The following TRIO variants were observed in gnomAD, a reference collection of about 807,000 sequenced individuals.
TRIO encodes trio Rho guanine nucleotide exchange factor, also known as triple functional domain protein.
TRIO carries 58 observed loss-of-function variants against 351.9 expected under a neutral mutation model. The ratio of observed to expected loss-of-function variants is 0.16; its 90% CI spans 0.13 to 0.21. The LOEUF (loss-of-function observed/expected upper bound fraction) is 0.21. Among genes scored for constraint, TRIO ranks in the 10% least tolerant of loss-of-function variants. The probability of loss-of-function intolerance (pLI) is 1.00; values close to 1 mark genes in which losing one functional copy is unlikely to be tolerated. For missense variants in TRIO, 3,201 were observed against 4,027.8 expected, an observed-to-expected ratio of 0.79 and a Z score of 5.56; for synonymous variants, 1,758 against 1,595.7, an observed-to-expected ratio of 1.10 and a Z score of -2.42.
chr5:14,485,899 A>G (rs563851966), intron 47 of TRIO, among the ~76,000 whole-genome samples: 8 of 152,204 alleles, frequency 5.3e-5, no homozygotes, highest in Middle Eastern at 3.4e-3. Context: ...GAGGCAGGAG[A>G]ATCACTTGAA....
intron 1 of TRIO, among the ~76,000 whole-genome samples, chr5:14,258,880 A>G (rs965624512): frequency 1.3e-5 from 2 of 152,198 alleles, no homozygotes; most frequent in African/African-American, 4.8e-5. Flanking sequence ...TGTCATTTCA[A>G]GACAGTGGAA....
chr5:14,454,741 A>C (rs908002019), intron 34 of TRIO, among the ~76,000 whole-genome samples: 2 of 152,250 alleles, frequency 1.3e-5, no homozygotes, highest in Non-Finnish European at 2.9e-5. Context: ...ACAGTTGCCC[A>C]GCTAGGAAAA....
chr5:14,488,076 G>A lies in TRIO; in HGVS notation c.7448G>A (p.Gly2483Asp). Residue 2483 changes from glycine to aspartate, a missense_variant, in exon 48 of 57, where the codon GGC becomes GAC. Physicochemically the swap from Gly to Asp is moderately conservative, Grantham distance 94. Coordinates refer to ENST00000344204, the MANE Select transcript of TRIO (RefSeq NM_007118.4). The part of the protein sequence containing the change: ...FPPSSPLQKG[G>D]SFWSSIPASP... ...CCCAGCAGCCCCCTGCAGAAGGGGG[G>A]CTCCTTCTGGAGCTCCATCCCCGCC... The A allele has an allele frequency of 1.2e-6, 2 of 1,609,750 alleles. No individual in the cohort carries two copies. The highest frequency in any genetic ancestry group is 8.5e-7 in the Non-Finnish European group (1 of 1,179,020).
At chr5:14,380,610 ATT>A (rs1746015886) in intron 20 of TRIO, among the ~76,000 whole-genome samples, 2 of 142,260 alleles carry the variant, frequency 1.4e-5, no homozygotes, top group African/African-American at 5.0e-5. Flanking sequence ...AACTCAAACT[ATT>A]TTTTGTTTTT....
intron 1 of TRIO, among the ~76,000 whole-genome samples, chr5:14,209,107 C>A (rs1415626352): frequency 6.6e-6 from 1 of 152,188 alleles, no homozygotes; most frequent in East Asian, 1.9e-4. Context: ...AGATTACATT[C>A]CTGTTTTCCA....
At position 14,389,318 on chromosome 5, in the gene TRIO, G is replaced by A. The variant is rs1369538111; in HGVS notation, c.3978G>A (p.Val1326=). 1 of 1,612,144 alleles carries A rather than the reference G, an allele frequency of 6.2e-7. No individual in the cohort carries two copies. Among genetic ancestry groups the A allele is most frequent in the Non-Finnish European group, 8.5e-7 (1 of 1,179,428 alleles). The stretch of plus-strand genomic sequence containing the variant: ...ACCTGTGGGAAATGACCAGTGGCGT[G>A]GAAGAGATTCCACCTGGCATTGTAA... ...DTYLWEMTSG[V]EEIPPGIVNK... The change falls in exon 25 of 57, where the codon GTG becomes GTA. Residue 1326 remains valine, a synonymous_variant. Transcript: ENST00000344204.
chr5:14,219,744 A>G (rs1204313930), intron 1 of TRIO, among the ~76,000 whole-genome samples: 4 of 152,196 alleles, frequency 2.6e-5, no homozygotes, highest in Non-Finnish European at 5.9e-5. Context: ...TTCAGGGTTC[A>G]CTTTTACTCC....
intron 1 of TRIO, among the ~76,000 whole-genome samples, chr5:14,158,987 C>G (rs980615413): frequency 6.6e-6 from 1 of 152,100 alleles, no homozygotes; most frequent in African/African-American, 2.4e-5. Context: ...AACATTATAC[C>G]TGAGGAAATG....
At chr5:14,328,168 A>G (rs1740564133) in intron 9 of TRIO, among the ~76,000 whole-genome samples, 1 of 152,234 alleles carries the variant, frequency 6.6e-6, no homozygotes, top group South Asian at 2.1e-4. Context: ...GCTAGTTAAA[A>G]CAAAGCACTC....
chr5:14,408,968 G>C (rs934860473), intron 33 of TRIO, among the ~76,000 whole-genome samples: 1 of 152,134 alleles, frequency 6.6e-6, no homozygotes, highest in African/African-American at 2.4e-5. Flanking sequence ...TGGTCTAAGA[G>C]GCAAGGATAA....
intron 56 of TRIO, among the ~76,000 whole-genome samples, chr5:14,507,630 A>T (rs913665055): frequency 6.6e-6 from 1 of 152,070 alleles, no homozygotes; most frequent in African/African-American, 2.4e-5. Flanking sequence ...GCCTGGTTTC[A>T]TTAGGCTACT....
chr5:14,398,794 TTGTTGAAAATACTAATAA>T, intron 29 of TRIO, 68 bp from the exon 30 acceptor site: 1 of 702,822 alleles, frequency 1.4e-6, no homozygotes, highest in Non-Finnish European at 1.9e-6. Flanking sequence ...ATTTTTAAAA[TTGTTGAAAATACTAATAA>T]TGCTTTCTTG....
chr5:14,373,566 C>G (rs905222609), intron 18 of TRIO, among the ~76,000 whole-genome samples: 1 of 152,054 alleles, frequency 6.6e-6, no homozygotes, highest in South Asian at 2.1e-4. Flanking sequence ...TATCTAAAAC[C>G]CTTATTTTAA....
At chr5:14,466,536 T>C (rs892863415) in intron 37 of TRIO, 6 of 152,260 alleles carry the variant, frequency 3.9e-5, no homozygotes, top group African/African-American at 1.4e-4. Context: ...AATTTCTGTT[T>C]TTGTAGTTTT....
At chr5:14,389,616 G>C (rs953093020) in intron 25 of TRIO, among the ~76,000 whole-genome samples, 6 of 152,156 alleles carry the variant, frequency 3.9e-5, no homozygotes, top group African/African-American at 1.4e-4. Context: ...ACAGAAATAA[G>C]ATCAGGAAAA....
chr5:14,285,139 C>G (rs928702983), intron 3 of TRIO, among the ~76,000 whole-genome samples: 2 of 152,128 alleles, frequency 1.3e-5, no homozygotes, highest in Non-Finnish European at 2.9e-5. Context: ...GTGATGTTAC[C>G]CGGATTGTAA....
chr5:14,310,446 A>T (rs1240475020), intron 8 of TRIO, among the ~76,000 whole-genome samples: 1 of 152,216 alleles, frequency 6.6e-6, no homozygotes, highest in East Asian at 1.9e-4. Flanking sequence ...TTCTCAGTTT[A>T]ACAAATGTGC....
chr5:14,193,561 G>A (rs191748386), intron 1 of TRIO, among the ~76,000 whole-genome samples: 34 of 152,194 alleles, frequency 2.2e-4, no homozygotes, highest in Middle Eastern at 3.4e-3. Flanking sequence ...GAATCATTCC[G>A]TCATCTCATT....
At chr5:14,172,305 A>T (rs993688919) in intron 1 of TRIO, among the ~76,000 whole-genome samples, 3 of 152,254 alleles carry the variant, frequency 2.0e-5, no homozygotes, top group Non-Finnish European at 4.4e-5. Context: ...AGTGCAGCAG[A>T]TTTAGTAGAA....
Sources: gnomAD v4.1 joint callset for allele counts (sites outside exome capture counted in the v4.1 genomes callset) on GRCh38, gnomAD v4.1.1 for gene constraint, MANE v1.5 for transcripts, NCBI Gene and HGNC (gene_info 2026-07-23, HGNC 2026-07-21) for gene names.